Variants in RIMS1 observed in about 807,000 individuals in gnomAD.
RIMS1 encodes the protein regulating synaptic membrane exocytosis protein 1.
Under a neutral mutation model 214.1 loss-of-function variants are expected in RIMS1, and 83 were observed. The observed-to-expected ratio is 0.39, with a 90% CI of 0.32 to 0.47. The LOEUF (loss-of-function observed/expected upper bound fraction) is 0.47. RIMS1 is among the 20% of genes least tolerant of loss of function. The probability of loss-of-function intolerance (pLI) is 0.99; values close to 1 mark genes in which losing one functional copy is unlikely to be tolerated. For missense variants in RIMS1, 2,050 were observed against 2,161.8 expected, an observed-to-expected ratio of 0.95 and a Z score of 1.03; for synonymous variants, 793 against 786.8, an observed-to-expected ratio of 1.01 and a Z score of -0.13.
chr6:72,358,968 A>G (rs143563836), intron 29 of RIMS1, among the ~76,000 whole-genome samples: 2,589 of 152,284 alleles, frequency 0.017, 33 homozygotes, highest in Non-Finnish European at 0.024. Context: ...TTAAACCTCA[A>G]AGAGGCCACC....
intron 29 of RIMS1, among the ~76,000 whole-genome samples, chr6:72,372,732 A>C (rs2154403588): frequency 6.6e-6 from 1 of 152,356 alleles, no homozygotes; most frequent in South Asian, 2.1e-4. Context: ...GACTGTGTCT[A>C]ATCTTCAGCG....
Position 72,108,428 on chromosome 6 carries a change from C to T in RIMS1, c.471+8442C>T, listed in dbSNP as rs180730292. Among the ~76,000 whole-genome samples, 216 of 152,242 alleles carry T rather than the reference C, an allele frequency of 1.4e-3. 1 individual carries two copies. The highest frequency in any genetic ancestry group is 5.0e-3 in the African/African-American group (206 of 41,546). ...TTTAATTGTTACTCTTTGACTACATCATCACCACTAAACTATTTTAAGAAA... is the reference window on the plus strand; with the variant it reads ...TTTAATTGTTACTCTTTGACTACATTATCACCACTAAACTATTTTAAGAAA... On this transcript the variant is annotated intron_variant, in intron 4 of 33. Coordinates refer to ENST00000521978, the MANE Select transcript of RIMS1 (RefSeq NM_014989.7).
intron 1 of RIMS1, among the ~76,000 whole-genome samples, chr6:71,887,441 G>A (rs890068047): frequency 2.6e-5 from 4 of 152,174 alleles, no homozygotes; most frequent in African/African-American, 9.6e-5. Flanking sequence ...CTGGGGTGCA[G>A]AGGAGGGATG....
At chr6:72,206,772 G>A (rs2052988216) in intron 6 of RIMS1, among the ~76,000 whole-genome samples, 1 of 152,130 alleles carries the variant, frequency 6.6e-6, no homozygotes, top group African/African-American at 2.4e-5. Context: ...CTAATTAATG[G>A]GAGGAGCTTT....
intron 29 of RIMS1, among the ~76,000 whole-genome samples, chr6:72,373,369 G>A (rs1394547819): frequency 6.6e-6 from 1 of 152,136 alleles, no homozygotes; most frequent in Non-Finnish European, 1.5e-5. Context: ...TCCTTCTCAG[G>A]AAGAGTTATC....
chr6:72,175,067 CA>C (rs2047520075), intron 4 of RIMS1, among the ~76,000 whole-genome samples: 1 of 152,084 alleles, frequency 6.6e-6, no homozygotes, highest in South Asian at 2.1e-4. Flanking sequence ...CTTTTGTCAA[CA>C]AAGTTGAAAT....
chr6:72,139,041 A>G (rs1382945505), intron 4 of RIMS1, among the ~76,000 whole-genome samples: 1 of 152,156 alleles, frequency 6.6e-6, no homozygotes, highest in Admixed American at 6.5e-5. Flanking sequence ...AATGCATATA[A>G]CTGTTTATAT....
chr6:72,313,578 G>T lies in RIMS1; in HGVS notation c.4036G>T (p.Asp1346Tyr). Residue 1346 changes from aspartate to tyrosine, a missense_variant, in exon 28 of 34, where the codon GAT (aspartate) becomes TAT (tyrosine). By Grantham distance (160) the Asp-to-Tyr change is radical. Coordinates refer to ENST00000521978, the MANE Select transcript of RIMS1 (RefSeq NM_014989.7). Reference protein sequence around the residue: ...SAKSSDSDVSDVSAISRTSSA... With the variant: ...SAKSSDSDVSYVSAISRTSSA... ...CAAATCATCAGATAGTGATGTCAGT[G>T]ATGTTTCCGCCATTTCCCGAACCAG... 1 of 1,613,816 alleles carries T rather than the reference G, an allele frequency of 6.2e-7. No homozygotes were observed. Among genetic ancestry groups the T allele is most frequent in the East Asian group, 2.2e-5 (1 of 44,860 alleles).
intron 1 of RIMS1, among the ~76,000 whole-genome samples, chr6:71,967,785 A>G (rs954180175): frequency 1.3e-5 from 2 of 152,180 alleles, no homozygotes; most frequent in Admixed American, 6.5e-5. Flanking sequence ...GTCATGTAAC[A>G]TATTGATTTC....
At chr6:72,004,141 T>C (rs2151762334) in intron 2 of RIMS1, among the ~76,000 whole-genome samples, 1 of 151,524 alleles carries the variant, frequency 6.6e-6, no homozygotes, top group Admixed American at 6.6e-5. Flanking sequence ...GTCCTTGTGA[T>C]AGTTTACTGA....
intron 6 of RIMS1, among the ~76,000 whole-genome samples, chr6:72,212,588 T>C (rs2054009982): frequency 6.6e-6 from 1 of 152,178 alleles, no homozygotes; most frequent in East Asian, 1.9e-4. Flanking sequence ...GGTTAAGAAA[T>C]CATTCTATGG....
chr6:72,170,976 C>T (rs2046949573), intron 4 of RIMS1, among the ~76,000 whole-genome samples: 1 of 151,998 alleles, frequency 6.6e-6, no homozygotes, highest in Non-Finnish European at 1.5e-5. Flanking sequence ...TTATTATTTT[C>T]CCTATTTTAT....
intron 4 of RIMS1, among the ~76,000 whole-genome samples, chr6:72,142,470 C>A (rs1017065519): frequency 2.0e-5 from 3 of 151,972 alleles, no homozygotes; most frequent in African/African-American, 7.2e-5. Flanking sequence ...CCTCTTTCTA[C>A]TTCCTGAAAA....
In RIMS1 at chr6:72,264,467, C is replaced by A. The variant is rs1387734431; in HGVS notation, c.3117-508C>A. Among the ~76,000 whole-genome samples the A allele has an allele frequency of 6.6e-5, 10 of 152,214 alleles. No individual in the cohort carries two copies. In the South Asian group the frequency reaches 1.7e-3, roughly 25 times the overall value. On this transcript the variant is annotated intron_variant, in intron 19 of 33. Coordinates refer to ENST00000521978, the MANE Select transcript of RIMS1 (RefSeq NM_014989.7). Reference sequence around the variant, plus strand: ...AGAGCTTGCTCCTTTGCAATCACTTCTTGGCCTTTTTCTGTTTCCTTTTTT... The same window carrying A: ...AGAGCTTGCTCCTTTGCAATCACTTATTGGCCTTTTTCTGTTTCCTTTTTT...
intron 15 of RIMS1, among the ~76,000 whole-genome samples, chr6:72,251,728 C>T (rs74295561): frequency 2.0e-5 from 3 of 151,994 alleles, no homozygotes; most frequent in East Asian, 3.9e-4. Flanking sequence ...CTCCCCCCAC[C>T]GAGAGAGAGT....
At chr6:72,307,679 G>A (rs1347005746) in intron 27 of RIMS1, among the ~76,000 whole-genome samples, 2 of 151,904 alleles carry the variant, frequency 1.3e-5, no homozygotes, top group Admixed American at 6.6e-5. Flanking sequence ...CCTGGGAGGC[G>A]GAAGTTGCAG....
At chr6:71,903,640 T>C (rs1302654479) in intron 1 of RIMS1, among the ~76,000 whole-genome samples, 1 of 152,092 alleles carries the variant, frequency 6.6e-6, no homozygotes, top group African/African-American at 2.4e-5. Context: ...CTACAAGGAA[T>C]GTAAACAAAT....
At chr6:72,374,412 A>C (rs1242992325) in intron 29 of RIMS1, among the ~76,000 whole-genome samples, 1 of 152,220 alleles carries the variant, frequency 6.6e-6, no homozygotes, top group African/African-American at 2.4e-5. Context: ...GCTCTAATTA[A>C]GTTTTTATGC....
chr6:72,042,505 CATT>C (rs1215773749), intron 2 of RIMS1, among the ~76,000 whole-genome samples: 1 of 151,814 alleles, frequency 6.6e-6, no homozygotes, highest in Non-Finnish European at 1.5e-5. Flanking sequence ...TCTTGAACCA[CATT>C]ATGTTTAATA....
Sources: gnomAD v4.1 joint callset for allele counts (sites outside exome capture counted in the v4.1 genomes callset) on GRCh38, gnomAD v4.1.1 for gene constraint, MANE v1.5 for transcripts, NCBI Gene and HGNC (gene_info 2026-07-23, HGNC 2026-07-21) for gene names.